The following TRIM7 variants were observed in gnomAD, a reference collection of about 807,000 sequenced individuals.
The protein encoded by TRIM7 is tripartite motif containing 7, also known as E3 ubiquitin-protein ligase TRIM7.
In TRIM7, 32 loss-of-function variants were observed where a neutral mutation model predicts 37.9. The observed-to-expected ratio is 0.84, with a 90% CI of 0.64 to 1.13. The LOEUF (loss-of-function observed/expected upper bound fraction) is 1.13, where lower values mean the gene tolerates loss of function less well. Ranked by LOEUF, TRIM7 falls within the 50% of genes most tolerant of loss-of-function variation. TRIM7 has a pLI of 0.00. For synonymous variants in TRIM7, 351 were observed against 321.3 expected, an observed-to-expected ratio of 1.09 and a Z score of -0.99; for missense variants, 732 against 714.0, an observed-to-expected ratio of 1.03 and a Z score of -0.29.
rs1375125212 is a variant in TRIM7, at chr5:181,204,932, G to A, written c.179C>T (p.Pro60Leu). Residue 60 changes from proline to leucine, a missense_variant, in exon 1 of 7, where the codon CCG becomes CTG. By Grantham distance (98) the Pro-to-Leu change is moderately conservative. Transcript: ENST00000274773. ...RACIGRCWER[P>L]GAGSVGAATR... ...GGCGGCCCCAACAGACCCCGCGCCC[G>A]GGCGCTCCCAGCAGCGCCCTATGCA... 1.4e-6 allele frequency: 2 copies of A among 1,410,344 alleles called. No individual in the cohort carries two copies. The highest frequency in any genetic ancestry group is 7.0e-5 in the Admixed American group (2 of 28,466). 87.4% of individuals were successfully genotyped at this position (1,410,344 alleles called of 1,614,324 possible). A position where few individuals can be genotyped will look rare whatever the true frequency, so the allele number is the denominator to read the frequency against.
Position 181,195,574 on chromosome 5 carries a change from G to A in TRIM7, c.1128C>T (p.His376=), listed in dbSNP as rs745457091. ...GGGTGTTGGTGTCGAAGCGGCAGGGGTGGTTGGGCAGGTCCTGGGCCCGCT... is the reference window on the plus strand; with the variant it reads ...GGGTGTTGGTGTCGAAGCGGCAGGGATGGTTGGGCAGGTCCTGGGCCCGCT... The part of the protein sequence containing the change: ...LGERAQDLPN[H]PCRFDTNTRV... The change falls in exon 7 of 7, where the codon CAC becomes CAT. Residue 376 remains histidine (H), a synonymous_variant. Transcript: ENST00000274773. 4.4e-6 allele frequency: 7 copies of A among 1,607,310 alleles called. 1 individual carries two copies. The highest frequency in any genetic ancestry group is 3.3e-5 in the South Asian group (3 of 90,776).
rs62390520 is a variant in TRIM7 at position 181,193,970 on chromosome 5, C to A, written c.*1196G>T. ...CATTTTCATCTCCTCACCCCCTTCC[C>A]AGGGGAGCGCTGAGCAGGGAGTAGC... is the stretch of plus-strand genomic sequence containing the variant. On this transcript the variant is annotated 3_prime_UTR_variant, in exon 7 of 7. Coordinates refer to ENST00000274773, the MANE Select transcript of TRIM7 (RefSeq NM_203293.3). The A allele has an allele frequency of 6.6e-6, 1 of 152,398 alleles. No homozygotes were observed. The highest frequency in any genetic ancestry group is 6.5e-5 in the Admixed American group (1 of 15,306). The allele number at this position is 152,398 out of a possible 1,614,324, so 9.4% of individuals were successfully genotyped here.
chr5:181,194,167 G>C lies in TRIM7; in HGVS notation c.*999C>G, dbSNP rs958608006. ...TCCGTCAGGAGCATATTTGTGCTCT[G>C]TGTGTTGTTTAGAGCTGGCTGCATC... is the stretch of plus-strand genomic sequence containing the variant. On this transcript the variant is annotated 3_prime_UTR_variant, in exon 7 of 7. Transcript: ENST00000274773. 2.0e-5 allele frequency: 3 copies of C among 152,300 alleles called. No individual in the cohort carries two copies. Among genetic ancestry groups the C allele is most frequent in the South Asian group, 2.1e-4 (1 of 4,836 alleles). The allele number at this position is 152,300 out of a possible 1,614,324, so 9.4% of individuals were successfully genotyped here. A position where few individuals can be genotyped will look rare whatever the true frequency, so the allele number is the denominator to read the frequency against.
At chr5:181,203,850 A>G (rs1284449561) in intron 1 of TRIM7, 1 of 1,321,266 alleles carries the variant, frequency 7.6e-7, no homozygotes, top group African/African-American at 1.5e-5. Flanking sequence ...CTGCTGGACC[A>G]GCCAGACTGA....
In TRIM7 at chr5:181,195,256, G is replaced by A; in HGVS notation, c.1446C>T (p.His482=). The A allele has an allele frequency of 9.9e-6, 16 of 1,612,166 alleles. No homozygotes were observed. The highest frequency in any genetic ancestry group is 1.4e-5 in the Non-Finnish European group (16 of 1,179,262). The change falls in exon 7 of 7, where the codon CAC becomes CAT. Residue 482 remains histidine, a synonymous_variant. Transcript: ENST00000274773. ...VSFYAVEDMR[H]LYTFRVNFQE... Reference sequence around the variant, plus strand: ...GGAAGTTGACGCGGAAGGTGTAGAGGTGGCGCATGTCCTCCACAGCGTAGA... The same window carrying A: ...GGAAGTTGACGCGGAAGGTGTAGAGATGGCGCATGTCCTCCACAGCGTAGA...
At position 181,195,410 on chromosome 5, in the gene TRIM7, C is replaced by A. The variant is rs1757037457; in HGVS notation, c.1292G>T (p.Gly431Val). 1 of 1,595,034 alleles carries A rather than the reference C, an allele frequency of 6.3e-7. No individual in the cohort carries two copies. The highest frequency in any genetic ancestry group is 8.5e-7 in the Non-Finnish European group (1 of 1,170,910). The change falls in exon 7 of 7, where the codon GGC becomes GTC. Residue 431 changes from glycine (G) to valine (V), a missense_variant. Transcript: ENST00000274773. ...GCCGTTGAGCTGCAGGGCCCAGACGCCCTCCTCGGGAGTGAAGGGCGTCAG... is the reference window on the plus strand; with the variant it reads ...GCCGTTGAGCTGCAGGGCCCAGACGACCTCCTCGGGAGTGAAGGGCGTCAG... ...KGLTPFTPEE[G>V]VWALQLNGGQ... is the part of the protein sequence containing the mutation.
chr5:181,197,976 C>G (rs572901331), intron 6 of TRIM7: 6 of 602,252 alleles, frequency 1.0e-5, no homozygotes, highest in Non-Finnish European at 1.8e-5. Context: ...CCTAACCAAC[C>G]TGCAGCATTT....
chr5:181,204,683 T>A lies in TRIM7; in HGVS notation c.428A>T (p.Asp143Val). Reference protein sequence around the residue: ...HGEPFKLYCQDDGRAICVVCD... With the variant: ...HGEPFKLYCQVDGRAICVVCD... ...CACCACGCAGATGGCGCGTCCGTCG[T>A]CCTGGCAGTAGAGCTTGAAGGGTTC... is the stretch of plus-strand genomic sequence containing the variant. Residue 143 changes from aspartate (D) to valine (V), a missense_variant, in exon 1 of 7, where the codon GAC (aspartate) becomes GTC (valine). Coordinates refer to ENST00000274773, the MANE Select transcript of TRIM7 (RefSeq NM_203293.3). 4 of 1,509,442 alleles carry A rather than the reference T, an allele frequency of 2.6e-6. 1 individual carries two copies. In the South Asian group the frequency reaches 4.9e-5, roughly 19 times the overall value. 93.5% of individuals were successfully genotyped at this position (1,509,442 alleles called of 1,614,324 possible).
At position 181,204,935 on chromosome 5, in the gene TRIM7, C is replaced by T; in HGVS notation, c.176G>A (p.Arg59His). Reference sequence around the variant, plus strand: ...GGCCCCAACAGACCCCGCGCCCGGGCGCTCCCAGCAGCGCCCTATGCAGGC... The same window carrying T: ...GGCCCCAACAGACCCCGCGCCCGGGTGCTCCCAGCAGCGCCCTATGCAGGC... The part of the protein sequence containing the change: ...CRACIGRCWE[R>H]PGAGSVGAAT... The change falls in exon 1 of 7, where the codon CGC becomes CAC. Residue 59 changes from arginine (R) to histidine (H), a missense_variant. Arg to His is a conservative substitution (Grantham distance 29). Coordinates refer to ENST00000274773, the MANE Select transcript of TRIM7 (RefSeq NM_203293.3). The T allele has an allele frequency of 7.1e-7, 1 of 1,412,758 alleles. No homozygotes were observed. The highest frequency in any genetic ancestry group is 3.5e-5 in the Admixed American group (1 of 28,702). The allele number at this position is 1,412,758 out of a possible 1,614,324, so 87.5% of individuals were successfully genotyped here.
In TRIM7 at chr5:181,195,220, C is replaced by G. The variant is rs1158511874; in HGVS notation, c.1482G>C (p.Val494=). 3 of 1,612,644 alleles carry G rather than the reference C, an allele frequency of 1.9e-6. No homozygotes were observed. The highest frequency in any genetic ancestry group is 2.5e-6 in the Non-Finnish European group (3 of 1,179,332). The change falls in exon 7 of 7, where the codon GTG becomes GTC. Residue 494 remains valine (V), a synonymous_variant. Transcript: ENST00000274773. ...TGGAGCAAACAGAGAAAAGCGGGAA[C>G]ACGCGCTCCTGGAAGTTGACGCGGA... is the stretch of plus-strand genomic sequence containing the variant. The part of the protein sequence containing the change: ...YTFRVNFQER[V]FPLFSVCSTG...
rs1212508113 is a variant in TRIM7, at chr5:181,204,801, G to A, written c.310C>T (p.Arg104Trp). The change falls in exon 1 of 7, where the codon CGG becomes TGG. Residue 104 changes from arginine (R) to tryptophan (W), a missense_variant. By Grantham distance (101) the Arg-to-Trp change is moderately radical (BLOSUM62 -3). Transcript: ENST00000274773. ...RQLAAVATLLRRFSLPAAAPG... is the reference protein window; with the variant it reads ...RQLAAVATLLWRFSLPAAAPG... The stretch of plus-strand genomic sequence containing the variant: ...GCAGCCGCGGGCAGGCTGAAGCGCC[G>A]CAGGAGCGTGGCCACTGCCGCCAGC... 7.1e-7 allele frequency: 1 copy of A among 1,411,518 alleles called. No individual in the cohort carries two copies. Among genetic ancestry groups the A allele is most frequent in the Admixed American group, 3.0e-5 (1 of 33,518 alleles). 87.4% of individuals were successfully genotyped at this position (1,411,518 alleles called of 1,614,324 possible).
At position 181,204,586 on chromosome 5, in the gene TRIM7, C is replaced by T. The variant is rs1390725899; in HGVS notation, c.522+3G>A. The T allele has an allele frequency of 2.9e-5, 41 of 1,402,840 alleles. No individual in the cohort carries two copies. The highest frequency in any genetic ancestry group is 3.7e-5 in the Non-Finnish European group (40 of 1,086,022). The allele number at this position is 1,402,840 out of a possible 1,614,324, so 86.9% of individuals were successfully genotyped here. On this transcript the variant is annotated splice_donor_region_variant and intron_variant, in intron 1 of 6. Coordinates refer to ENST00000274773, the MANE Select transcript of TRIM7 (RefSeq NM_203293.3). ...CCACGGGGTGGGTGGGGGCTGCGCT[C>T]ACCTTGGCCTCCTGCACCGCCTCGT...
chr5:181,200,687 A>G (rs1757430058), intron 2 of TRIM7: 2 of 993,698 alleles, frequency 2.0e-6, no homozygotes, highest in African/African-American at 1.7e-5. Flanking sequence ...CAAGTGTCAT[A>G]TTCTGTTCTT....
intron 1 of TRIM7, 179 bp downstream of exon 1, chr5:181,204,410 T>G: frequency 1.7e-6 from 2 of 1,169,608 alleles, no homozygotes; most frequent in South Asian, 6.3e-5. Context: ...ATGTTGGGGG[T>G]GACAGAGAAC....
Position 181,195,326 on chromosome 5 carries a change from G to T in TRIM7, c.1376C>A (p.Ser459Ter), listed in dbSNP as rs770769065. Residue 459 changes from serine to a stop codon, truncating the protein, a stop_gained, in exon 7 of 7, where the codon TCG becomes TAG. Coordinates refer to ENST00000274773, the MANE Select transcript of TRIM7 (RefSeq NM_203293.3). LOFTEE classifies it low-confidence loss of function (END_TRUNC). ...CAGGTCCAGGGCCACCCGCACGCGC[G>T]ACAGGTGCCCGCAGCTGAGGGGCGA... ...ERSPLSCGHL[S>*]RVRVALDLEV... is the part of the protein sequence containing the mutation. The T allele has an allele frequency of 3.8e-6, 6 of 1,592,502 alleles. No homozygotes were observed. The highest frequency in any genetic ancestry group is 1.3e-5 in the African/African-American group (1 of 74,480).
At position 181,204,833 on chromosome 5, in the gene TRIM7, T is replaced by G. The variant is rs1252187637; in HGVS notation, c.278A>C (p.Asn93Thr). The stretch of plus-strand genomic sequence containing the variant: ...CGTGGCCACTGCCGCCAGCTGCCGG[T>G]TGGGCCGCAGCTGACTGGGGCGCGC... The part of the protein sequence containing the change: ...EPARPSQLRP[N>T]RQLAAVATLL... Residue 93 changes from asparagine (N) to threonine (T), a missense_variant, in exon 1 of 7, where the codon AAC becomes ACC. Physicochemically the swap from Asn to Thr is moderately conservative, Grantham distance 65. Transcript: ENST00000274773. The G allele has an allele frequency of 6.6e-5, 90 of 1,371,998 alleles. No homozygotes were observed. Among genetic ancestry groups the G allele is most frequent in the Non-Finnish European group, 8.3e-5 (89 of 1,071,242 alleles). The allele number at this position is 1,371,998 out of a possible 1,614,324, so 85.0% of individuals were successfully genotyped here. A position where few individuals can be genotyped will look rare whatever the true frequency, so the allele number is the denominator to read the frequency against.
At chr5:181,202,243 G>A (rs1053120829) in intron 2 of TRIM7, 1 of 147,690 alleles carries the variant, frequency 6.8e-6, no homozygotes, top group African/African-American at 2.5e-5. Flanking sequence ...GCAGTGGCAT[G>A]ATCTTGGCTG....
At chr5:181,199,441 G>A (rs1169156292) in intron 3 of TRIM7, 5 of 510,084 alleles carry the variant, frequency 9.8e-6, no homozygotes, top group Non-Finnish European at 1.8e-5. Flanking sequence ...CCACCTGAGG[G>A]AGGTCACAGC....
rs374218449 is a variant in TRIM7 at position 181,199,124 on chromosome 5, G to A, written c.850-7C>T. ...TCAGCGTGCTTTTGAATTCCTGGAAGGAAAGATAGAGGAAACCAAATCAGC... is the reference window on the plus strand; with the variant it reads ...TCAGCGTGCTTTTGAATTCCTGGAAAGAAAGATAGAGGAAACCAAATCAGC... On this transcript the variant is annotated splice_polypyrimidine_tract_variant and splice_region_variant and intron_variant, in intron 3 of 6. Transcript: ENST00000274773. 4.3e-6 allele frequency: 7 copies of A among 1,614,084 alleles called. No individual in the cohort carries two copies. The African/African-American group carries it at 6.7e-5, about 15-fold the overall frequency.
Sources: allele counts gnomAD v4.1 joint callset, GRCh38; gene constraint gnomAD v4.1.1; transcripts MANE v1.5; gene names NCBI Gene and HGNC (gene_info 2026-07-23, HGNC 2026-07-21).